Variants in NOX4 observed in about 807,000 individuals in gnomAD.
NOX4 encodes the protein NADPH oxidase 4, also known as kidney oxidase-1.
NOX4 carries 69 observed loss-of-function variants against 87.6 expected under a neutral mutation model. The observed-to-expected ratio is 0.79, with a 90% CI of 0.65 to 0.96. The LOEUF (loss-of-function observed/expected upper bound fraction) is 0.96, where lower values mean the gene tolerates loss of function less well. NOX4 is among the 40% of genes least tolerant of loss of function. The pLI, the probability that NOX4 is intolerant of heterozygous loss-of-function variation, is 0.00. For missense variants in NOX4, 680 were observed against 681.5 expected, an observed-to-expected ratio of 1.00 and a Z score of 0.02; for synonymous variants, 275 against 238.2, an observed-to-expected ratio of 1.15 and a Z score of -1.42.
chr11:89,350,022 T>G (rs1354599921), intron 13 of NOX4, among the ~76,000 whole-genome samples: 1 of 152,228 alleles, frequency 6.6e-6, no homozygotes, highest in Non-Finnish European at 1.5e-5. Context: ...ATCAACAATA[T>G]GCATTTTGTA....
chr11:89,416,417 C>A (rs1325014864), intron 8 of NOX4, among the ~76,000 whole-genome samples: 1 of 152,214 alleles, frequency 6.6e-6, no homozygotes, highest in Non-Finnish European at 1.5e-5. Context: ...TGAAGGAAGA[C>A]TTCCACGAAA....
intron 2 of NOX4, among the ~76,000 whole-genome samples, chr11:89,455,826 A>G (rs12788524): frequency 0.021 from 3,186 of 151,678 alleles, 64 homozygotes; most frequent in Middle Eastern, 0.052. Context: ...TCTATCCATC[A>G]AATTTGGTAA....
rs900582131 is a variant in NOX4, at chr11:89,437,198, T to TA, written c.475+3489dup. 2.0e-3 allele frequency among the ~76,000 whole-genome samples: 300 copies of TA among 148,176 alleles called. 7 individuals are homozygous for TA. In the East Asian group the frequency reaches 0.043, roughly 21 times the overall value. On this transcript the variant is annotated intron_variant, in intron 6 of 17. Coordinates refer to ENST00000263317, the MANE Select transcript of NOX4 (RefSeq NM_016931.5). ...CAACATAGTGAAACTCCATCTCTACTAAAAAAAAAATACAAAAAACTTAGC... is the reference window on the plus strand; with the variant it reads ...CAACATAGTGAAACTCCATCTCTACTAAAAAAAAAAATACAAAAAACTTAGC...
chr11:89,518,289 A>G, the NOX4 span, among the ~76,000 whole-genome samples: 1 of 152,010 alleles, frequency 6.6e-6, no homozygotes, highest in East Asian at 1.9e-4. Context: ...ACCAACCAAA[A>G]TTTGGAAAAG....
At chr11:89,400,543 T>C (rs1364565250) in intron 9 of NOX4, among the ~76,000 whole-genome samples, 164 bp from the exon 10 acceptor site, 1 of 152,070 alleles carries the variant, frequency 6.6e-6, no homozygotes, top group Non-Finnish European at 1.5e-5. Flanking sequence ...CTCACTATCA[T>C]TCAAACAAAC....
the NOX4 span, among the ~76,000 whole-genome samples, chr11:89,564,677 T>A: frequency 6.6e-6 from 1 of 152,164 alleles, no homozygotes; most frequent in Non-Finnish European, 1.5e-5. Flanking sequence ...CAACATTACA[T>A]TTCTTCAGGG....
intron 8 of NOX4, among the ~76,000 whole-genome samples, chr11:89,404,116 T>C (rs538519049): frequency 3.3e-5 from 5 of 152,158 alleles, no homozygotes; most frequent in Admixed American, 2.6e-4. Flanking sequence ...TTATACAAAA[T>C]TGAGCCAAAT....
the NOX4 span, among the ~76,000 whole-genome samples, chr11:89,560,733 C>G: frequency 6.6e-6 from 1 of 151,478 alleles, no homozygotes; most frequent in African/African-American, 2.4e-5. Context: ...TCTTCTCCTG[C>G]CTTTGGACAT....
At chr11:89,547,833 C>T in the NOX4 span, among the ~76,000 whole-genome samples, 2 of 151,950 alleles carry the variant, frequency 1.3e-5, no homozygotes, top group African/African-American at 4.8e-5. Flanking sequence ...GCGCTGGGAA[C>T]GTATAGCTAT....
At chr11:89,558,198 A>G in the NOX4 span, among the ~76,000 whole-genome samples, 90 of 152,246 alleles carry the variant, frequency 5.9e-4, no homozygotes, top group Middle Eastern at 6.8e-3. Flanking sequence ...GGACTGCATT[A>G]GCTCAGAGTC....
intron 12 of NOX4, among the ~76,000 whole-genome samples, chr11:89,362,390 C>T (rs1238143089): frequency 2.6e-5 from 4 of 152,058 alleles, no homozygotes; most frequent in African/African-American, 4.8e-5. Flanking sequence ...ACCTCTGTGG[C>T]ATGTGCAGGC....
chr11:89,347,449 T>C (rs1012641684), intron 13 of NOX4, among the ~76,000 whole-genome samples: 9 of 152,244 alleles, frequency 5.9e-5, no homozygotes, highest in African/African-American at 2.2e-4. Context: ...AGGTGCTTTT[T>C]ATAATTTTAT....
chr11:89,514,417 T>C, the NOX4 span, among the ~76,000 whole-genome samples: 1 of 152,030 alleles, frequency 6.6e-6, no homozygotes, highest in East Asian at 1.9e-4. Flanking sequence ...GGATTTTCAA[T>C]ATATGTAATC....
intron 6 of NOX4, among the ~76,000 whole-genome samples, chr11:89,437,968 T>C (rs1157416308): frequency 1.3e-5 from 2 of 150,236 alleles, no homozygotes; most frequent in African/African-American, 4.9e-5. Context: ...AAGAGTATGA[T>C]GAGATGTTCA....
chr11:89,373,365 A>T (rs1939600371), intron 12 of NOX4, 67 bp downstream of exon 12: 1 of 933,948 alleles, frequency 1.1e-6, no homozygotes, highest in African/African-American at 1.6e-5. Flanking sequence ...TTATATTAAA[A>T]CACATTCAAA....
chr11:89,472,455 C>T (rs899542463), intron 2 of NOX4, among the ~76,000 whole-genome samples: 10 of 151,814 alleles, frequency 6.6e-5, no homozygotes, highest in African/African-American at 2.4e-4. Flanking sequence ...AAGGGGCTAC[C>T]AAAAATATAC....
At chr11:89,565,106 C>T in the NOX4 span, among the ~76,000 whole-genome samples, 1 of 152,092 alleles carries the variant, frequency 6.6e-6, no homozygotes, top group Non-Finnish European at 1.5e-5. Context: ...GAATTTACAT[C>T]TTAAAATATT....
chr11:89,452,550 A>T (rs1223098477), intron 2 of NOX4, among the ~76,000 whole-genome samples: 1 of 151,900 alleles, frequency 6.6e-6, no homozygotes, highest in Non-Finnish European at 1.5e-5. Context: ...TTTTTTTAAA[A>T]TTTTTATTTT....
At chr11:89,355,536 A>G (rs1937977440) in intron 12 of NOX4, among the ~76,000 whole-genome samples, 1 of 151,984 alleles carries the variant, frequency 6.6e-6, no homozygotes. Context: ...ATGACCAATA[A>G]ACATACTAAG....
Sources: allele counts gnomAD v4.1 joint callset (sites outside exome capture counted in the v4.1 genomes callset), GRCh38; gene constraint gnomAD v4.1.1; transcripts MANE v1.5; gene names NCBI Gene and HGNC (gene_info 2026-07-23, HGNC 2026-07-21).